The following ITSN2 variants were observed in gnomAD, a reference collection of about 807,000 sequenced individuals.
ITSN2 encodes intersectin 2, also known as intersectin-2.
A neutral mutation model predicts 243.7 loss-of-function variants in ITSN2; 156 were observed. The observed-to-expected ratio is 0.64, with a 90% confidence interval of 0.56 to 0.73. The LOEUF (loss-of-function observed/expected upper bound fraction) is 0.73. ITSN2 is among the 30% of genes least tolerant of loss of function. ITSN2 has a pLI of 0.00. For missense variants in ITSN2, 1,801 were observed against 1,996.1 expected, an observed-to-expected ratio of 0.90 and a Z score of 1.86; for synonymous variants, 703 against 699.9, an observed-to-expected ratio of 1.00 and a Z score of -0.07.
chr2:24,359,911 C>T (rs1044113603), intron 1 of ITSN2, among the ~76,000 whole-genome samples: 1 of 152,118 alleles, frequency 6.6e-6, no homozygotes, highest in Non-Finnish European at 1.5e-5. Flanking sequence ...CCCGAGGAGG[C>T]GTGCGGGTGC....
intron 29 of ITSN2, among the ~76,000 whole-genome samples, chr2:24,235,806 A>G (rs1470468041): frequency 6.6e-6 from 1 of 152,224 alleles, no homozygotes; most frequent in Non-Finnish European, 1.5e-5. Flanking sequence ...TCAAAACCAC[A>G]GTGAGATGTC....
At chr2:24,247,468 T>C (rs906960405) in intron 27 of ITSN2, among the ~76,000 whole-genome samples, 2 of 152,236 alleles carry the variant, frequency 1.3e-5, no homozygotes, top group Admixed American at 1.3e-4. Context: ...TAGTGAGTTC[T>C]GTAAAGTCCT....
Position 24,330,217 on chromosome 2 carries a change from T to A in ITSN2, c.-33-2102A>T, listed in dbSNP as rs151088323. On this transcript the variant is annotated intron_variant, in intron 1 of 39. Coordinates refer to ENST00000355123, the MANE Select transcript of ITSN2 (RefSeq NM_006277.3). ...GCCTTAATCAGTTGGGATCTAGGTC[T>A]AAAACTTACAAATCATCTGTCTAGA... Among the ~76,000 whole-genome samples, 43 of 152,332 alleles carry A rather than the reference T, an allele frequency of 2.8e-4. No individual in the cohort carries two copies. The East Asian group carries it at 7.9e-3, about 28-fold the overall frequency.
chr2:24,323,174 T>C (rs1428903812), intron 2 of ITSN2, among the ~76,000 whole-genome samples: 1 of 127,012 alleles, frequency 7.9e-6, no homozygotes, highest in Non-Finnish European at 1.6e-5. Context: ...GTTAAATATA[T>C]ATTTCCACAT....
chr2:24,252,041 C>G (rs1290712926), intron 25 of ITSN2, among the ~76,000 whole-genome samples: 1 of 152,114 alleles, frequency 6.6e-6, no homozygotes, highest in East Asian at 1.9e-4. Context: ...TTTTGTGTTT[C>G]TCTGAATCCA....
intron 29 of ITSN2, among the ~76,000 whole-genome samples, chr2:24,230,313 C>G (rs531196558): frequency 7.2e-5 from 11 of 152,340 alleles, no homozygotes; most frequent in African/African-American, 2.6e-4. Context: ...CCACTTCTCA[C>G]ACGTCCCCCA....
intron 23 of ITSN2, among the ~76,000 whole-genome samples, chr2:24,254,763 TTAGTG>T (rs1674798901): frequency 6.6e-6 from 1 of 152,198 alleles, no homozygotes; most frequent in African/African-American, 2.4e-5. Context: ...AGGGCTTAGT[TTAGTG>T]TAGGAAAAAA....
At chr2:24,222,361 G>A (rs1670550696) in intron 29 of ITSN2, among the ~76,000 whole-genome samples, 1 of 151,344 alleles carries the variant, frequency 6.6e-6, no homozygotes, top group African/African-American at 2.4e-5. Context: ...CATGAAGAGA[G>A]AGTTCTCATC....
At chr2:24,234,946 T>G (rs1037314763) in intron 29 of ITSN2, among the ~76,000 whole-genome samples, 5 of 152,198 alleles carry the variant, frequency 3.3e-5, no homozygotes, top group African/African-American at 1.2e-4. Context: ...ATTTACAAAC[T>G]AAACATACTC....
intron 29 of ITSN2, among the ~76,000 whole-genome samples, chr2:24,231,699 G>T (rs1671615034): frequency 6.6e-6 from 1 of 152,158 alleles, no homozygotes; most frequent in East Asian, 1.9e-4. Context: ...AGAGGGGAAA[G>T]ATCTGGGCAG....
chr2:24,220,737 C>A (rs1385935662), intron 30 of ITSN2: 23 of 1,373,966 alleles, frequency 1.7e-5, no homozygotes, highest in Non-Finnish European at 2.1e-5. Context: ...GGAAAGAGCT[C>A]ATTAGAGACT....
In ITSN2 at chr2:24,203,077, TAGC is replaced by T. The variant is rs1175070819; in HGVS notation, c.*546_*548del. The T allele has an allele frequency of 6.5e-6, 1 of 152,748 alleles. No homozygotes were observed. The highest frequency in any genetic ancestry group is 1.5e-5 in the Non-Finnish European group (1 of 68,108). The allele number at this position is 152,748 out of a possible 1,614,324, so 9.5% of individuals were successfully genotyped here. On this transcript the variant is annotated 3_prime_UTR_variant, in exon 40 of 40. Transcript: ENST00000355123. ...ACTTATACTCCAGACTATATTGTCT[TAGC>T]AGAGAGTGATAAAATCTAATCAGGA...
chr2:24,210,054 C>G, intron 34 of ITSN2, 21 bp from the exon 35 acceptor site: 1 of 1,588,910 alleles, frequency 6.3e-7, no homozygotes, highest in South Asian at 1.1e-5. Flanking sequence ...AAGAAAATTT[C>G]ACTTTTTAAA....
At chr2:24,288,670 G>A (rs990309395) in intron 15 of ITSN2, among the ~76,000 whole-genome samples, 1 of 152,006 alleles carries the variant, frequency 6.6e-6, no homozygotes, top group Non-Finnish European at 1.5e-5. Flanking sequence ...CATTTTTGTG[G>A]TGAAAACACT....
intron 32 of ITSN2, 58 bp from the exon 33 acceptor site, chr2:24,212,806 G>A: frequency 7.8e-7 from 1 of 1,289,088 alleles, no homozygotes; most frequent in Non-Finnish European, 1.1e-6. Flanking sequence ...AGGAAGCACT[G>A]GTCTTTGATC....
intron 25 of ITSN2, among the ~76,000 whole-genome samples, chr2:24,250,740 A>G (rs1020077211): frequency 1.3e-5 from 2 of 152,222 alleles, no homozygotes; most frequent in Non-Finnish European, 2.9e-5. Flanking sequence ...AGAATAAAAA[A>G]GAACATTGGT....
At chr2:24,359,693 T>C (rs1187697314) in intron 1 of ITSN2, among the ~76,000 whole-genome samples, 1 of 152,178 alleles carries the variant, frequency 6.6e-6, no homozygotes, top group African/African-American at 2.4e-5. Context: ...CATCTCTCGG[T>C]GCTTCCTGTA....
At chr2:24,272,356 A>G (rs1192909615) in intron 18 of ITSN2, among the ~76,000 whole-genome samples, 3 of 152,056 alleles carry the variant, frequency 2.0e-5, no homozygotes, top group Non-Finnish European at 4.4e-5. Context: ...TGTCCTATCT[A>G]ATCTTTGTTT....
intron 29 of ITSN2, among the ~76,000 whole-genome samples, chr2:24,234,433 G>A (rs1211112698): frequency 2.6e-5 from 4 of 152,024 alleles, no homozygotes; most frequent in Non-Finnish European, 4.4e-5. Context: ...GATAACCTTG[G>A]GTTTAGTGAT....
Sources: allele counts gnomAD v4.1 joint callset (sites outside exome capture counted in the v4.1 genomes callset), GRCh38; gene constraint gnomAD v4.1.1; transcripts MANE v1.5; gene names NCBI Gene and HGNC (gene_info 2026-07-23, HGNC 2026-07-21).